Variants in INO80D observed in about 807,000 individuals in gnomAD.
INO80D encodes INO80 complex subunit D.
In INO80D, 21 loss-of-function variants were observed where a neutral mutation model predicts 87.6. The ratio of observed to expected loss-of-function variants is 0.24; its 90% CI spans 0.17 to 0.35. The LOEUF (loss-of-function observed/expected upper bound fraction) is 0.35. Ranked by LOEUF, INO80D falls within the 10% of genes least tolerant of loss-of-function variation. The pLI is 1.00. For synonymous variants in INO80D, 440 were observed against 491.0 expected (o/e 0.90, Z 1.37); for missense variants, 982 against 1,280.7 (o/e 0.77, Z 3.56).
intron 1 of INO80D, among the ~76,000 whole-genome samples, chr2:206,069,266 A>G (rs1158625395): frequency 1.3e-5 from 2 of 152,206 alleles, no homozygotes; most frequent in South Asian, 4.1e-4. Flanking sequence ...TTTTATGATG[A>G]TCTGCTTCCA....
chr2:206,028,482 G>A, intron 5 of INO80D, 147 bp from the exon 6 acceptor site: 1 of 593,944 alleles, frequency 1.7e-6, no homozygotes, highest in Non-Finnish European at 3.0e-6. Flanking sequence ...ATTAGAGTAA[G>A]AGAATTCCAA....
intron 1 of INO80D, chr2:206,084,833 C>T (rs1217366277): frequency 6.6e-6 from 1 of 152,262 alleles, no homozygotes; most frequent in East Asian, 1.9e-4. Context: ...CCGGCAGAAA[C>T]ACCACCTGAG....
At chr2:206,053,467 TTTA>T (rs1174079349) in intron 4 of INO80D, among the ~76,000 whole-genome samples, 22 of 152,014 alleles carry the variant, frequency 1.4e-4, no homozygotes, top group Admixed American at 1.4e-3. Context: ...AGTGTTTTAA[TTTA>T]TTATTTTTGT....
At chr2:206,039,390 G>A (rs763922410) in intron 5 of INO80D, among the ~76,000 whole-genome samples, 22 of 151,668 alleles carry the variant, frequency 1.5e-4, no homozygotes, top group Non-Finnish European at 2.9e-4. Context: ...AAAGCAAAAC[G>A]AAAGTCCATC....
chr2:206,060,855 C>T (rs190128609), intron 3 of INO80D, among the ~76,000 whole-genome samples: 10 of 152,086 alleles, frequency 6.6e-5, no homozygotes, highest in East Asian at 5.9e-4. Context: ...CCACCGTGCC[C>T]GGCAACTTAG....
At chr2:206,024,640 A>G (rs1301909513) in intron 6 of INO80D, among the ~76,000 whole-genome samples, 2 of 152,232 alleles carry the variant, frequency 1.3e-5, no homozygotes, top group South Asian at 2.1e-4. Context: ...CTTTATTACA[A>G]CAAATGAAAA....
At chr2:206,074,282 A>G (rs907718396) in intron 1 of INO80D, among the ~76,000 whole-genome samples, 24 of 152,364 alleles carry the variant, frequency 1.6e-4, no homozygotes, top group African/African-American at 5.8e-4. Context: ...TGTAGAAAAA[A>G]TATTTCAACA....
At chr2:206,065,998 G>A (rs4673344) in intron 1 of INO80D, among the ~76,000 whole-genome samples, 55,033 of 152,102 alleles carry the variant, frequency 0.36, 11,033 homozygotes, top group African/African-American at 0.55. Flanking sequence ...AGTGGCTCAC[G>A]CCTGTAATCC....
intron 5 of INO80D, chr2:206,040,635 G>T: frequency 4.3e-6 from 1 of 234,598 alleles, no homozygotes. Flanking sequence ...GGAGGTCAAA[G>T]ATCGAGTCTT....
At chr2:206,054,316 C>G (rs1325984552) in intron 4 of INO80D, among the ~76,000 whole-genome samples, 1 of 151,866 alleles carries the variant, frequency 6.6e-6, no homozygotes, top group Non-Finnish European at 1.5e-5. Flanking sequence ...GCCACTGCAC[C>G]CAGCCTGCTA....
chr2:206,049,319 A>C (rs542893898), intron 4 of INO80D, among the ~76,000 whole-genome samples: 2 of 152,352 alleles, frequency 1.3e-5, no homozygotes, highest in African/African-American at 4.8e-5. Flanking sequence ...TACTTTCTCA[A>C]CTGAAATAAT....
At chr2:206,042,135 A>G (rs1247056944) in intron 5 of INO80D, among the ~76,000 whole-genome samples, 2 of 152,096 alleles carry the variant, frequency 1.3e-5, no homozygotes, top group Non-Finnish European at 2.9e-5. Flanking sequence ...TTGTCTCAAA[A>G]AAAAGTATTT....
In INO80D at chr2:206,076,099, A is replaced by C. The variant is rs1690109316; in HGVS notation, c.-124+9802T>G. Among the ~76,000 whole-genome samples the C allele has an allele frequency of 2.0e-5, 3 of 150,796 alleles. No individual in the cohort carries two copies. In the Admixed American group the frequency reaches 2.0e-4, roughly 10 times the overall value. ...TGTGAGGCTGGGCACAGTGGCTCATACCGTAATACCAGAAGGTTGGGAGGC... is the reference window on the plus strand; with the variant it reads ...TGTGAGGCTGGGCACAGTGGCTCATCCCGTAATACCAGAAGGTTGGGAGGC... On this transcript the variant is annotated intron_variant, in intron 1 of 10. Transcript: ENST00000403263.
chr2:206,012,693 C>T (rs149033487), intron 8 of INO80D, among the ~76,000 whole-genome samples: 2 of 151,966 alleles, frequency 1.3e-5, no homozygotes, highest in African/African-American at 4.8e-5. Context: ...CATGGTAAAA[C>T]CCCATGTCTA....
Position 206,062,668 on chromosome 2 carries a change from C to A in INO80D, c.218+131G>T. 1 of 749,282 alleles carries A rather than the reference C, an allele frequency of 1.3e-6. No individual in the cohort carries two copies. The allele number at this position is 749,282 out of a possible 1,614,324, so 46.4% of individuals were successfully genotyped here. The stretch of plus-strand genomic sequence containing the variant: ...TACTTAGATTACCCCCAGAATTCAA[C>A]ATTTATATAGGTGGAGGAAGGGAGG... On this transcript the variant is annotated intron_variant, in intron 3 of 10. Coordinates refer to ENST00000403263, the MANE Select transcript of INO80D (RefSeq NM_017759.5). The surrounding 1 kb of genome is among the most constrained non-coding windows in gnomAD (Gnocchi z 4.6).
chr2:206,003,548 T>C lies in INO80D; in HGVS notation c.*820A>G, dbSNP rs954376973. On this transcript the variant is annotated 3_prime_UTR_variant, in exon 11 of 11. Coordinates refer to ENST00000403263, the MANE Select transcript of INO80D (RefSeq NM_017759.5). ...CACTGACGGGAATCCAAGCTTTCTA[T>C]GTTCTGTTTCTTCTTGGGCTAACTT... The C allele has an allele frequency of 2.6e-5, 4 of 152,250 alleles. No individual in the cohort carries two copies. Among genetic ancestry groups the C allele is most frequent in the Non-Finnish European group, 4.4e-5 (3 of 68,050 alleles). 9.4% of individuals were successfully genotyped at this position (152,250 alleles called of 1,614,324 possible). A position where few individuals can be genotyped will look rare whatever the true frequency, so the allele number is the denominator to read the frequency against.
At chr2:206,040,997 G>A (rs1456518764) in intron 5 of INO80D, among the ~76,000 whole-genome samples, 4 of 152,294 alleles carry the variant, frequency 2.6e-5, no homozygotes, top group African/African-American at 4.8e-5. Flanking sequence ...ACTGTTATAC[G>A]TTCTTATGCG....
At chr2:206,079,036 CA>C (rs1044102522) in intron 1 of INO80D, among the ~76,000 whole-genome samples, 3 of 151,682 alleles carry the variant, frequency 2.0e-5, no homozygotes, top group Admixed American at 1.3e-4. Context: ...GAAACCATCA[CA>C]AAAAGTGTGG....
rs1248658111 is a variant in INO80D at position 206,002,409 on chromosome 2, T to G, written c.*1959A>C. On this transcript the variant is annotated 3_prime_UTR_variant, in exon 11 of 11. Transcript: ENST00000403263. ...TGACATAAGTTATAATTTAGAAATT[T>G]TGCACTCTGCAAAAAAGGCAAAGCT... The G allele has an allele frequency of 6.6e-6, 1 of 152,156 alleles. No homozygotes were observed. The allele number at this position is 152,156 out of a possible 1,614,324, so 9.4% of individuals were successfully genotyped here. A position where few individuals can be genotyped will look rare whatever the true frequency, so the allele number is the denominator to read the frequency against.
Sources: gnomAD v4.1 joint callset for allele counts (sites outside exome capture counted in the v4.1 genomes callset) on GRCh38, gnomAD v4.1.1 for gene constraint, Gnocchi (gnomAD v3.1) non-coding constraint, MANE v1.5 for transcripts, NCBI Gene and HGNC (gene_info 2026-07-23, HGNC 2026-07-21) for gene names.